VWA8: variants seen among roughly 807,000 people sequenced by gnomAD.
VWA8 encodes von Willebrand factor A domain containing 8, also known as von Willebrand factor A domain-containing protein 8.
A neutral mutation model predicts 241.5 loss-of-function variants in VWA8; 221 were observed. The observed-to-expected ratio is 0.91, with a 90% CI of 0.82 to 1.02. The LOEUF (loss-of-function observed/expected upper bound fraction) is 1.02. Among genes scored for constraint, VWA8 ranks in the 50% least tolerant of loss-of-function variants. The pLI is 0.00. For synonymous variants in VWA8, 852 were observed against 827.1 expected (o/e 1.03, Z -0.52); for missense variants, 2,322 against 2,328.7 (o/e 1.00, Z 0.06).
intron 3 of VWA8, among the ~76,000 whole-genome samples, chr13:41,908,175 C>G (rs1373832796): frequency 6.6e-6 from 1 of 152,036 alleles, no homozygotes; most frequent in African/African-American, 2.4e-5. Flanking sequence ...GGTAAAAATC[C>G]CAATAATCAG....
chr13:41,871,005 T>A (rs572140718), intron 9 of VWA8, among the ~76,000 whole-genome samples: 1 of 152,144 alleles, frequency 6.6e-6, no homozygotes, highest in Non-Finnish European at 1.5e-5. Flanking sequence ...ATATTCTCTA[T>A]CTCCAACTCC....
At chr13:41,743,171 C>T (rs1050509217) in intron 21 of VWA8, among the ~76,000 whole-genome samples, 11 of 152,172 alleles carry the variant, frequency 7.2e-5, no homozygotes, top group Admixed American at 1.3e-4. Context: ...ATAGTGGCAA[C>T]GGGAGTCATT....
intron 24 of VWA8, among the ~76,000 whole-genome samples, chr13:41,724,049 T>C (rs977486696): frequency 6.6e-6 from 1 of 152,002 alleles, no homozygotes; most frequent in Non-Finnish European, 1.5e-5. Context: ...TGAAGGAAAA[T>C]GCATCAAGGA....
At chr13:41,925,977 G>A (rs1876811849) in intron 2 of VWA8, 3 of 384,968 alleles carry the variant, frequency 7.8e-6, no homozygotes, top group African/African-American at 6.3e-5. Context: ...CACCTTAAAG[G>A]TGGCAGGTAG....
chr13:41,672,453 C>T (rs997339900), intron 36 of VWA8, among the ~76,000 whole-genome samples: 2 of 152,030 alleles, frequency 1.3e-5, no homozygotes, highest in East Asian at 1.9e-4. Context: ...CAAAATGCAT[C>T]TGATATTTTC....
chr13:41,743,799 C>G (rs1387021467), intron 21 of VWA8, among the ~76,000 whole-genome samples: 1 of 152,146 alleles, frequency 6.6e-6, no homozygotes, highest in East Asian at 1.9e-4. Flanking sequence ...TAGCAGTGAC[C>G]TTGTCTGTCA....
intron 1 of VWA8, among the ~76,000 whole-genome samples, chr13:41,952,049 C>T (rs1046114442): frequency 5.3e-5 from 8 of 152,156 alleles, no homozygotes; most frequent in South Asian, 2.1e-4. Context: ...GTGCACCGCT[C>T]CCTTTTCCTC....
intron 12 of VWA8, among the ~76,000 whole-genome samples, chr13:41,859,842 C>A (rs1270124203): frequency 6.6e-6 from 1 of 152,118 alleles, no homozygotes; most frequent in Non-Finnish European, 1.5e-5. Flanking sequence ...AAGGCAAAAA[C>A]CACAGATTAA....
chr13:41,722,060 A>C (rs1257850974), intron 24 of VWA8, among the ~76,000 whole-genome samples: 1 of 152,186 alleles, frequency 6.6e-6, no homozygotes, highest in African/African-American at 2.4e-5. Context: ...TTTTAACTTC[A>C]ACAAATGTTG....
chr13:41,771,757 T>C lies in VWA8; in HGVS notation c.2349+6228A>G, dbSNP rs543803552. ...CCATGCCTGGCTAATTTTTTTTGTA[T>C]TTTTTGTGGAGATGGGGTTTTGCCA... On this transcript the variant is annotated intron_variant, in intron 20 of 44. Coordinates refer to ENST00000379310, the MANE Select transcript of VWA8 (RefSeq NM_015058.2). Among the ~76,000 whole-genome samples, 23 of 151,940 alleles carry C rather than the reference T, an allele frequency of 1.5e-4. No individual in the cohort carries two copies. In the South Asian group the frequency reaches 4.8e-3, roughly 32 times the overall value.
intron 21 of VWA8, among the ~76,000 whole-genome samples, chr13:41,740,553 T>C (rs1011243031): frequency 1.3e-5 from 2 of 152,180 alleles, no homozygotes; most frequent in Non-Finnish European, 2.9e-5. Flanking sequence ...TGGACCTCAT[T>C]ATATCTTGGT....
intron 40 of VWA8, among the ~76,000 whole-genome samples, chr13:41,595,445 G>C (rs2044481941): frequency 6.6e-6 from 1 of 152,076 alleles, no homozygotes; most frequent in Non-Finnish European, 1.5e-5. Flanking sequence ...TCTTAAGAAT[G>C]TACTTTTACA....
At chr13:41,666,739 G>T (rs2044989051) in intron 37 of VWA8, among the ~76,000 whole-genome samples, 1 of 152,026 alleles carries the variant, frequency 6.6e-6, no homozygotes, top group African/African-American at 2.4e-5. Context: ...TTTCATGGCT[G>T]GGACTTCTCT....
At chr13:41,796,736 G>C (rs1420043209) in intron 17 of VWA8, among the ~76,000 whole-genome samples, 1 of 151,042 alleles carries the variant, frequency 6.6e-6, no homozygotes, top group Non-Finnish European at 1.5e-5. Flanking sequence ...TTGAATGCCT[G>C]GCTCACAAAT....
chr13:41,652,422 C>T (rs899395790), intron 37 of VWA8, among the ~76,000 whole-genome samples: 11 of 152,114 alleles, frequency 7.2e-5, no homozygotes, highest in Admixed American at 2.6e-4. Context: ...AATATATACA[C>T]CTGAAATGGT....
chr13:41,879,382 TACACACACAC>T (rs3073827), intron 9 of VWA8, among the ~76,000 whole-genome samples: 30 of 140,888 alleles, frequency 2.1e-4, no homozygotes, highest in East Asian at 8.3e-4. Flanking sequence ...CATACACACA[TACACACACAC>T]ACACACACAC....
chr13:41,733,978 CAG>C (rs532493777), intron 21 of VWA8, among the ~76,000 whole-genome samples: 106 of 152,184 alleles, frequency 7.0e-4, no homozygotes, highest in Non-Finnish European at 1.4e-3. Context: ...TGTTTTTAAA[CAG>C]AGAATCTGGA....
chr13:41,679,907 T>C (rs1394278530), intron 35 of VWA8, among the ~76,000 whole-genome samples: 1 of 132,692 alleles, frequency 7.5e-6, no homozygotes. Context: ...CTTTTTAAGC[T>C]ATTTCTGTGG....
intron 3 of VWA8, among the ~76,000 whole-genome samples, chr13:41,908,922 A>T (rs964827417): frequency 4.6e-5 from 7 of 152,252 alleles, no homozygotes; most frequent in African/African-American, 1.7e-4. Context: ...GGATACTGCC[A>T]TACAAGGGGA....
Sources: gnomAD v4.1 joint callset for allele counts (sites outside exome capture counted in the v4.1 genomes callset) on GRCh38, gnomAD v4.1.1 for gene constraint, MANE v1.5 for transcripts, NCBI Gene and HGNC (gene_info 2026-07-23, HGNC 2026-07-21) for gene names.